GPHN: variants seen among roughly 807,000 people sequenced by gnomAD.
GPHN encodes the protein gephyrin.
Under a neutral mutation model 95.5 loss-of-function variants are expected in GPHN, and 17 were observed. That is an observed-to-expected ratio of 0.18 (90% CI 0.12 to 0.27). The LOEUF is 0.27. GPHN is among the 10% of genes least tolerant of loss of function. The pLI, the probability that GPHN is intolerant of heterozygous loss-of-function variation, is 1.00. For synonymous variants in GPHN, 320 were observed against 322.5 expected, an observed-to-expected ratio of 0.99 and a Z score of 0.08; for missense variants, 660 against 978.1, an observed-to-expected ratio of 0.67 and a Z score of 4.34.
chr14:67,590,249 ATTTTTTTT>A, the GPHN span: 3 of 733,180 alleles, frequency 4.1e-6, no homozygotes, highest in Admixed American at 4.0e-5. Flanking sequence ...CCACTTGCAA[ATTTTTTTT>A]TTTTTTTTTT....
At chr14:67,476,863 C>T in the GPHN span, among the ~76,000 whole-genome samples, 27 of 152,184 alleles carry the variant, frequency 1.8e-4, no homozygotes, top group East Asian at 3.9e-3. Context: ...CAGTGGCTCA[C>T]GCCTGTAATC....
chr14:66,908,542 T>G (rs1163850387), intron 5 of GPHN, among the ~76,000 whole-genome samples: 1 of 152,046 alleles, frequency 6.6e-6, no homozygotes, highest in Admixed American at 6.6e-5. Flanking sequence ...TGCTCCACCC[T>G]CAAGGAAGGG....
intron 8 of GPHN, among the ~76,000 whole-genome samples, chr14:66,938,071 A>T (rs1249067085): frequency 1.3e-5 from 2 of 152,110 alleles, no homozygotes; most frequent in Non-Finnish European, 2.9e-5. Flanking sequence ...TTTTTTCTTC[A>T]AAGTGGTAGT....
At chr14:67,685,408 CTG>C in the GPHN span, among the ~76,000 whole-genome samples, 1 of 152,268 alleles carries the variant, frequency 6.6e-6, no homozygotes, top group South Asian at 2.1e-4. Flanking sequence ...CTAAGGACCT[CTG>C]TGTATTTCTG....
At chr14:66,675,621 T>G (rs1021057276) in intron 1 of GPHN, among the ~76,000 whole-genome samples, 1 of 152,198 alleles carries the variant, frequency 6.6e-6, no homozygotes, top group Non-Finnish European at 1.5e-5. Context: ...TAGTTTGGTA[T>G]AGTTCCGTTT....
the GPHN span, among the ~76,000 whole-genome samples, chr14:67,511,305 T>C: frequency 2.6e-5 from 4 of 152,092 alleles, no homozygotes; most frequent in African/African-American, 9.7e-5. Flanking sequence ...TTTTCATATT[T>C]ATTAGCTCTC....
chr14:66,817,873 T>C (rs1201933325), intron 3 of GPHN, among the ~76,000 whole-genome samples: 3 of 152,136 alleles, frequency 2.0e-5, no homozygotes, highest in Non-Finnish European at 2.9e-5. Flanking sequence ...CCATGACTTA[T>C]TGCCCCATTC....
At position 66,676,672 on chromosome 14, in the gene GPHN, ATT is replaced by A. The variant is rs56906168; in HGVS notation, c.65-4420_65-4419del. On this transcript the variant is annotated intron_variant, in intron 1 of 22. Coordinates refer to ENST00000478722, the MANE Select transcript of GPHN (RefSeq NM_020806.5). ...GATAAATTCCACTCAATCGTAGTGT[ATT>A]TTTTTTTTTTTTTTGATGTGCCTTT... 4.1e-3 allele frequency among the ~76,000 whole-genome samples: 521 copies of A among 126,004 alleles called. 8 individuals are homozygous for A. Among genetic ancestry groups the A allele is most frequent in the African/African-American group, 0.014 (474 of 33,120 alleles). 82.7% of individuals were successfully genotyped at this position (126,004 alleles called of 152,430 possible). A position where few individuals can be genotyped will look rare whatever the true frequency, so the allele number is the denominator to read the frequency against.
chr14:67,699,261 A>G, the GPHN span, among the ~76,000 whole-genome samples: 280 of 151,942 alleles, frequency 1.8e-3, 2 homozygotes, highest in Admixed American at 4.5e-3. Flanking sequence ...CTCAGAAAAA[A>G]AAAAAAGATA....
At chr14:67,323,703 C>T in the GPHN span, 10 of 1,504,486 alleles carry the variant, frequency 6.6e-6, no homozygotes, top group East Asian at 2.1e-4. Context: ...TCTTTACAGT[C>T]ATTGAAGACT....
the GPHN span, chr14:67,659,827 T>A: frequency 9.9e-6 from 16 of 1,613,798 alleles, no homozygotes; most frequent in Middle Eastern, 9.9e-4. Context: ...CCCGATGGAG[T>A]TTAGCAAGGT....
chr14:67,248,988 A>G, the GPHN span, among the ~76,000 whole-genome samples: 2 of 151,068 alleles, frequency 1.3e-5, no homozygotes, highest in East Asian at 3.9e-4. Flanking sequence ...TTTGAGACCA[A>G]GTCTCACTCT....
intron 4 of GPHN, among the ~76,000 whole-genome samples, chr14:66,833,532 A>G (rs2061664363): frequency 6.6e-6 from 1 of 152,138 alleles, no homozygotes. Context: ...ATCAGCCAGT[A>G]TAGACAGTAA....
At chr14:67,291,384 T>G in the GPHN span, among the ~76,000 whole-genome samples, 1 of 151,870 alleles carries the variant, frequency 6.6e-6, no homozygotes, top group Non-Finnish European at 1.5e-5. Flanking sequence ...CCTGCCACTG[T>G]GCAGGGTTCT....
At chr14:67,012,106 G>C (rs1172613838) in intron 9 of GPHN, among the ~76,000 whole-genome samples, 3 of 152,098 alleles carry the variant, frequency 2.0e-5, no homozygotes, top group Non-Finnish European at 2.9e-5. Context: ...TGGACATGGA[G>C]GTTAATGATT....
At chr14:67,620,017 C>G in the GPHN span, 1 of 1,611,220 alleles carries the variant, frequency 6.2e-7, no homozygotes, top group Non-Finnish European at 8.5e-7. Flanking sequence ...CCTCCAGACG[C>G]GAGTGCATTC....
the GPHN span, among the ~76,000 whole-genome samples, chr14:67,193,597 A>G: frequency 6.9e-6 from 1 of 145,670 alleles, no homozygotes; most frequent in African/African-American, 2.5e-5. Context: ...ATAGATATAT[A>G]TCTATAGATA....
the GPHN span, among the ~76,000 whole-genome samples, chr14:67,193,096 AT>A: frequency 6.9e-6 from 1 of 144,208 alleles, no homozygotes; most frequent in Non-Finnish European, 1.5e-5. Context: ...CTATATCTCT[AT>A]ATATCTCTAT....
chr14:67,625,685 A>G, the GPHN span, among the ~76,000 whole-genome samples: 2 of 149,070 alleles, frequency 1.3e-5, no homozygotes, highest in Admixed American at 1.3e-4. Context: ...CATCTCAAAA[A>G]AAAAAAAAAA....
Sources: allele counts gnomAD v4.1 joint callset (sites outside exome capture counted in the v4.1 genomes callset), GRCh38; gene constraint gnomAD v4.1.1; transcripts MANE v1.5; gene names NCBI Gene and HGNC (gene_info 2026-07-23, HGNC 2026-07-21).